The following NXPE2 variants were observed in gnomAD, a reference collection of about 807,000 sequenced individuals.
NXPE2 encodes the protein neurexophilin and PC-esterase domain family member 2, also known as NXPE family member 2.
NXPE2 carries 34 observed loss-of-function variants against 34.4 expected under a neutral mutation model. The ratio of observed to expected loss-of-function variants is 0.99; its 90% confidence interval spans 0.75 to 1.31. NXPE2 has a LOEUF of 1.31. Among genes scored for constraint, NXPE2 ranks in the 40% most tolerant of loss-of-function variants. The pLI is 0.00. For missense variants in NXPE2, 649 were observed against 672.5 expected (o/e 0.97, Z 0.39); for synonymous variants, 235 against 231.3 (o/e 1.02, Z -0.15).
At chr11:114,530,075 G>A in the NXPE2 span, 2 of 1,229,612 alleles carry the variant, frequency 1.6e-6, no homozygotes, top group Non-Finnish European at 2.3e-6. Context: ...TTGAGTACAG[G>A]AGGCCTCTGA....
the NXPE2 span, among the ~76,000 whole-genome samples, chr11:114,715,486 T>C: frequency 1.3e-5 from 2 of 152,182 alleles, no homozygotes; most frequent in African/African-American, 2.4e-5. Context: ...CTTTGATTGA[T>C]TTATTTTATG....
the NXPE2 span, chr11:114,522,437 C>T: frequency 6.2e-7 from 1 of 1,613,638 alleles, no homozygotes; most frequent in Non-Finnish European, 8.5e-7. Context: ...CTGAGTGTGT[C>T]TTTCTGCATC....
At chr11:114,674,819 C>T (rs958020511), upstream of NXPE2, among the ~76,000 whole-genome samples, 14 of 151,590 alleles carry the variant, frequency 9.2e-5, no homozygotes, top group African/African-American at 1.9e-4. Flanking sequence ...AGCATTGTCC[C>T]GATATCAAAG....
chr11:114,652,588 G>A, the NXPE2 span, among the ~76,000 whole-genome samples: 20 of 152,284 alleles, frequency 1.3e-4, no homozygotes, highest in East Asian at 1.2e-3. Context: ...AGTGTTGCTC[G>A]ACATATGTTA....
chr11:114,723,812 A>G, the NXPE2 span, among the ~76,000 whole-genome samples: 1 of 152,164 alleles, frequency 6.6e-6, no homozygotes, highest in Admixed American at 6.6e-5. Flanking sequence ...CAAAAACCAT[A>G]GTGTGAATTC....
At chr11:114,483,475 ATTG>A in the NXPE2 span, among the ~76,000 whole-genome samples, 5 of 152,166 alleles carry the variant, frequency 3.3e-5, no homozygotes, top group African/African-American at 4.8e-5. Context: ...GCCTTAGGAG[ATTG>A]TTGTATAAAT....
At chr11:114,811,207 G>T in the NXPE2 span, among the ~76,000 whole-genome samples, 1 of 108,946 alleles carries the variant, frequency 9.2e-6, no homozygotes, top group Non-Finnish European at 1.8e-5. Flanking sequence ...AGGGGGGAGG[G>T]ATAGCATCAA....
chr11:114,631,840 G>A, the NXPE2 span, among the ~76,000 whole-genome samples: 301 of 150,750 alleles, frequency 2.0e-3, 1 homozygote, highest in African/African-American at 6.9e-3. Context: ...GATGTTACCC[G>A]GTGGATAATA....
chr11:114,675,921 A>G (rs1316137263), upstream of NXPE2, among the ~76,000 whole-genome samples: 1 of 152,008 alleles, frequency 6.6e-6, no homozygotes, highest in African/African-American at 2.4e-5. Flanking sequence ...ATGGAACCAA[A>G]TAGAGACCCC....
At chr11:114,623,206 C>T in the NXPE2 span, among the ~76,000 whole-genome samples, 3 of 151,784 alleles carry the variant, frequency 2.0e-5, no homozygotes, top group African/African-American at 4.8e-5. Context: ...CATTGTTACC[C>T]AGTGGATCAT....
the NXPE2 span, among the ~76,000 whole-genome samples, chr11:114,746,281 T>C: frequency 2.0e-5 from 3 of 152,168 alleles, no homozygotes; most frequent in Non-Finnish European, 4.4e-5. Flanking sequence ...TGGTAATGGG[T>C]ATCATGGTAC....
chr11:114,744,154 C>T, the NXPE2 span, among the ~76,000 whole-genome samples: 7 of 152,192 alleles, frequency 4.6e-5, no homozygotes, highest in African/African-American at 1.7e-4. Context: ...CTTTGGTATT[C>T]ACTTTCTTCT....
the NXPE2 span, among the ~76,000 whole-genome samples, chr11:114,665,875 T>C: frequency 6.6e-6 from 1 of 152,176 alleles, no homozygotes; most frequent in Non-Finnish European, 1.5e-5. Flanking sequence ...TACAATGCAC[T>C]AGGACCTTTG....
chr11:114,561,143 T>C, the NXPE2 span, among the ~76,000 whole-genome samples: 1 of 152,204 alleles, frequency 6.6e-6, no homozygotes, highest in Non-Finnish European at 1.5e-5. Context: ...TAAGATTTAG[T>C]TTTGAAGATC....
chr11:114,579,141 C>T, the NXPE2 span, among the ~76,000 whole-genome samples: 15 of 151,982 alleles, frequency 9.9e-5, no homozygotes, highest in Non-Finnish European at 7.4e-5. Flanking sequence ...TTAGTCATGG[C>T]GGAAGGGAAG....
At chr11:114,517,672 C>T in the NXPE2 span, among the ~76,000 whole-genome samples, 9 of 152,160 alleles carry the variant, frequency 5.9e-5, no homozygotes, top group African/African-American at 1.9e-4. Context: ...GAGCTGGGAT[C>T]ACAGCTGTGC....
chr11:114,800,288 G>A, the NXPE2 span, among the ~76,000 whole-genome samples: 1 of 152,204 alleles, frequency 6.6e-6, no homozygotes, highest in Non-Finnish European at 1.5e-5. Context: ...AACCTCACAT[G>A]CACATGATAT....
the NXPE2 span, among the ~76,000 whole-genome samples, chr11:114,503,051 T>C: frequency 6.6e-6 from 1 of 151,886 alleles, no homozygotes; most frequent in Non-Finnish European, 1.5e-5. Flanking sequence ...CATAGGATTT[T>C]GGCTAGGAGC....
At chr11:114,516,904 G>C in the NXPE2 span, among the ~76,000 whole-genome samples, 1 of 152,082 alleles carries the variant, frequency 6.6e-6, no homozygotes, top group Non-Finnish European at 1.5e-5. Context: ...CCATCCCTGG[G>C]GTGGGTGGCC....
Sources: allele counts gnomAD v4.1 joint callset (sites outside exome capture counted in the v4.1 genomes callset), GRCh38; gene constraint gnomAD v4.1.1; transcripts MANE v1.5; gene names NCBI Gene and HGNC (gene_info 2026-07-23, HGNC 2026-07-21).